The following SAMD4A variants were observed in gnomAD, a reference collection of about 807,000 sequenced individuals.
SAMD4A encodes protein Smaug homolog 1.
A neutral mutation model predicts 81.3 loss-of-function variants in SAMD4A; 33 were observed. The ratio of observed to expected loss-of-function variants is 0.41; its 90% CI spans 0.31 to 0.54. The LOEUF is 0.54. SAMD4A is among the 20% of genes least tolerant of loss of function. The probability of loss-of-function intolerance (pLI) is 0.37; values close to 1 mark genes in which losing one functional copy is unlikely to be tolerated. For missense variants in SAMD4A, 854 were observed against 951.1 expected (o/e 0.90, Z 1.34); for synonymous variants, 389 against 382.1 (o/e 1.02, Z -0.21).
intron 2 of SAMD4A, among the ~76,000 whole-genome samples, chr14:54,648,637 G>T (rs186804424): frequency 1.3e-5 from 2 of 152,320 alleles, no homozygotes; most frequent in Admixed American, 1.3e-4. Context: ...GACTGGAATG[G>T]ATTGAACAAG....
chr14:54,677,433 C>T (rs1186793709), intron 2 of SAMD4A, among the ~76,000 whole-genome samples: 2 of 152,206 alleles, frequency 1.3e-5, no homozygotes, highest in East Asian at 3.8e-4. Flanking sequence ...ATTCCTGAAA[C>T]TGACTCATTC....
chr14:54,728,760 G>A (rs1358766900), intron 3 of SAMD4A, among the ~76,000 whole-genome samples: 1 of 152,062 alleles, frequency 6.6e-6, no homozygotes, highest in Non-Finnish European at 1.5e-5. Context: ...CCTGAAACTA[G>A]AAAGAAAAGA....
intron 2 of SAMD4A, among the ~76,000 whole-genome samples, chr14:54,584,305 G>A (rs973610050): frequency 1.3e-5 from 2 of 152,204 alleles, no homozygotes; most frequent in African/African-American, 4.8e-5. Context: ...TGAGGATGGA[G>A]TGTCTTGCAT....
chr14:54,729,224 C>T (rs1027895588), intron 3 of SAMD4A, among the ~76,000 whole-genome samples: 4 of 152,096 alleles, frequency 2.6e-5, no homozygotes, highest in Non-Finnish European at 5.9e-5. Flanking sequence ...CTGGTTCCCA[C>T]ACTCAGTAGC....
intron 2 of SAMD4A, among the ~76,000 whole-genome samples, chr14:54,628,844 T>C (rs1339253229): frequency 1.3e-5 from 2 of 152,166 alleles, no homozygotes; most frequent in East Asian, 1.9e-4. Context: ...TTCATTCTCA[T>C]AGTATTGTCT....
intron 8 of SAMD4A, among the ~76,000 whole-genome samples, chr14:54,766,020 A>G (rs1480434649): frequency 2.0e-5 from 3 of 152,302 alleles, no homozygotes; most frequent in Admixed American, 2.0e-4. Flanking sequence ...GGGGGCTCAG[A>G]CACGCCATCC....
intron 2 of SAMD4A, among the ~76,000 whole-genome samples, chr14:54,584,569 T>A (rs1445757739): frequency 6.6e-6 from 1 of 152,184 alleles, no homozygotes; most frequent in Non-Finnish European, 1.5e-5. Context: ...CAAAATAAAA[T>A]TTGTTCAATG....
At chr14:54,712,854 G>A (rs2037025233) in intron 3 of SAMD4A, among the ~76,000 whole-genome samples, 1 of 152,132 alleles carries the variant, frequency 6.6e-6, no homozygotes, top group Admixed American at 6.6e-5. Context: ...GAGCTACAGA[G>A]GAAGACAGTT....
chr14:54,671,587 G>A (rs1330970028), intron 2 of SAMD4A, among the ~76,000 whole-genome samples: 2 of 152,206 alleles, frequency 1.3e-5, no homozygotes, highest in African/African-American at 4.8e-5. Context: ...GTTAGAGAAG[G>A]TGAGAGGTGC....
intron 2 of SAMD4A, among the ~76,000 whole-genome samples, chr14:54,568,849 T>C (rs2033044054): frequency 6.6e-6 from 1 of 151,502 alleles, no homozygotes. Flanking sequence ...TTAATGCTTT[T>C]CGTTAGGAAA....
chr14:54,660,973 G>C (rs185234746), intron 2 of SAMD4A, among the ~76,000 whole-genome samples: 5 of 152,146 alleles, frequency 3.3e-5, no homozygotes, highest in Admixed American at 6.5e-5. Context: ...TCTCTGGAGG[G>C]TTTTTCCACC....
At chr14:54,724,884 G>T (rs1284588261) in intron 3 of SAMD4A, among the ~76,000 whole-genome samples, 2 of 152,156 alleles carry the variant, frequency 1.3e-5, no homozygotes, top group Non-Finnish European at 2.9e-5. Flanking sequence ...AAATAACGTG[G>T]GGACAATAAT....
At chr14:54,697,526 A>G (rs1199964385) in intron 2 of SAMD4A, among the ~76,000 whole-genome samples, 1 of 152,076 alleles carries the variant, frequency 6.6e-6, no homozygotes, top group African/African-American at 2.4e-5. Context: ...TTGTTTTGTG[A>G]GTGGATAATC....
chr14:54,669,305 G>A (rs763596812), intron 2 of SAMD4A, among the ~76,000 whole-genome samples: 8 of 152,142 alleles, frequency 5.3e-5, no homozygotes, highest in Non-Finnish European at 7.3e-5. Context: ...GGCTCTCCCT[G>A]AGCACCTGCT....
intron 8 of SAMD4A, among the ~76,000 whole-genome samples, chr14:54,765,538 G>A (rs1231952621): frequency 6.6e-6 from 1 of 151,890 alleles, no homozygotes; most frequent in Non-Finnish European, 1.5e-5. Context: ...TGGGAGGATG[G>A]ATGGCTTGAG....
intron 2 of SAMD4A, among the ~76,000 whole-genome samples, chr14:54,599,045 C>G (rs2033986423): frequency 6.6e-6 from 1 of 152,162 alleles, no homozygotes; most frequent in Non-Finnish European, 1.5e-5. Flanking sequence ...GTCTTGAACT[C>G]CTGGGCTCAA....
intron 2 of SAMD4A, among the ~76,000 whole-genome samples, chr14:54,679,368 ATAT>A (rs2036075873): frequency 6.6e-6 from 1 of 152,228 alleles, no homozygotes; most frequent in Non-Finnish European, 1.5e-5. Context: ...ACAAGTGCTA[ATAT>A]TATGAGAAAT....
intron 3 of SAMD4A, among the ~76,000 whole-genome samples, chr14:54,705,588 G>T (rs1478922039): frequency 6.6e-6 from 1 of 152,046 alleles, no homozygotes; most frequent in African/African-American, 2.4e-5. Context: ...TTTTGTTTTT[G>T]TTTTTGTTTT....
chr14:54,746,555 T>G (rs897161131), intron 4 of SAMD4A, among the ~76,000 whole-genome samples: 109 of 152,204 alleles, frequency 7.2e-4, no homozygotes, highest in African/African-American at 2.6e-3. Context: ...GATCTAGCAC[T>G]GATTGAGCTG....
Sources: gnomAD v4.1 joint callset for allele counts (sites outside exome capture counted in the v4.1 genomes callset) on GRCh38, gnomAD v4.1.1 for gene constraint, MANE v1.5 for transcripts, NCBI Gene and HGNC (gene_info 2026-07-23, HGNC 2026-07-21) for gene names.